Variants in NAALADL2 observed in about 807,000 individuals in gnomAD.
The protein encoded by NAALADL2 is inactive N-acetylated-alpha-linked acidic dipeptidase-like protein 2.
NAALADL2 carries 76 observed loss-of-function variants against 87.2 expected under a neutral mutation model. The observed-to-expected ratio is 0.87, with a 90% CI of 0.72 to 1.05. The LOEUF is 1.05. Ranked by LOEUF, NAALADL2 falls within the 50% of genes least tolerant of loss-of-function variation. The probability of loss-of-function intolerance (pLI) is 0.00; values close to 1 mark genes in which losing one functional copy is unlikely to be tolerated. For synonymous variants in NAALADL2, 354 were observed against 331.0 expected (o/e 1.07, Z -0.75); for missense variants, 1,089 against 945.8 (o/e 1.15, Z -1.99).
At chr3:175,125,126 G>C (rs1726754537) in intron 2 of NAALADL2, among the ~76,000 whole-genome samples, 1 of 151,962 alleles carries the variant, frequency 6.6e-6, no homozygotes, top group Non-Finnish European at 1.5e-5. Context: ...CTGAGCACTT[G>C]AGAAATATGG....
chr3:174,699,856 G>A lies in NAALADL2; in HGVS notation c.-114-37785G>A, dbSNP rs763736119. The stretch of plus-strand genomic sequence containing the variant: ...AAGATGCTTTTTTTTTTTTTTTTGA[G>A]AAGATTGTATATTTTTTTCTGCTTA... On this transcript the variant is annotated intron_variant, in intron 2 of 3. Transcript: ENST00000434257. 1.4e-3 allele frequency among the ~76,000 whole-genome samples: 168 copies of A among 123,300 alleles called. 1 individual carries two copies. Among genetic ancestry groups the A allele is most frequent in the Non-Finnish European group, 2.3e-3 (140 of 59,896 alleles). 80.9% of individuals were successfully genotyped at this position (123,300 alleles called of 152,430 possible).
intron 10 of NAALADL2, among the ~76,000 whole-genome samples, chr3:175,622,374 C>T (rs1456434365): frequency 2.0e-5 from 3 of 152,160 alleles, no homozygotes; most frequent in Middle Eastern, 3.4e-3. Flanking sequence ...ATATACGTGA[C>T]GAATTTTATC....
chr3:174,988,872 A>G (rs1746335765), intron 1 of NAALADL2, among the ~76,000 whole-genome samples: 3 of 152,222 alleles, frequency 2.0e-5, no homozygotes, highest in East Asian at 1.9e-4. Context: ...TTGTGTTGCT[A>G]TAAAAACTAC....
intron 1 of NAALADL2, among the ~76,000 whole-genome samples, chr3:175,029,490 A>T (rs1051134894): frequency 1.3e-5 from 2 of 152,074 alleles, no homozygotes; most frequent in Admixed American, 6.6e-5. Context: ...AGTAAAAGAA[A>T]AAGGAAGATA....
intron 1 of NAALADL2, among the ~76,000 whole-genome samples, chr3:175,010,496 A>G (rs1300489127): frequency 6.6e-6 from 1 of 152,162 alleles, no homozygotes; most frequent in Non-Finnish European, 1.5e-5. Flanking sequence ...TTGTTTTGGC[A>G]GCAAAATTAT....
At chr3:175,268,446 G>A (rs1752306620) in intron 4 of NAALADL2, among the ~76,000 whole-genome samples, 1 of 151,968 alleles carries the variant, frequency 6.6e-6, no homozygotes, top group African/African-American at 2.4e-5. Context: ...GAAGGCCTAG[G>A]ACCTTATTAA....
At chr3:175,770,459 A>G (rs963232843) in intron 13 of NAALADL2, among the ~76,000 whole-genome samples, 1 of 152,204 alleles carries the variant, frequency 6.6e-6, no homozygotes, top group African/African-American at 2.4e-5. Flanking sequence ...AATCTTGAGA[A>G]GAAGGTCTGT....
chr3:175,005,229 A>G (rs1001289951), intron 1 of NAALADL2, among the ~76,000 whole-genome samples: 17 of 152,320 alleles, frequency 1.1e-4, no homozygotes, highest in African/African-American at 4.1e-4. Context: ...CAAGTGAAGC[A>G]GCTGAGCAGA....
At chr3:175,065,482 G>A (rs963191120) in intron 1 of NAALADL2, among the ~76,000 whole-genome samples, 2 of 152,156 alleles carry the variant, frequency 1.3e-5, no homozygotes, top group Non-Finnish European at 2.9e-5. Flanking sequence ...TAATGATCTT[G>A]TTGAACCATG....
intron 4 of NAALADL2, among the ~76,000 whole-genome samples, chr3:175,314,691 TATATATA>T (rs1201901514): frequency 1.8e-5 from 1 of 54,838 alleles, no homozygotes; most frequent in African/African-American, 7.1e-5. Flanking sequence ...TATATATATA[TATATATA>T]TATATATATA....
intron 1 of NAALADL2, among the ~76,000 whole-genome samples, chr3:175,071,225 T>G (rs1559987581): frequency 6.6e-6 from 1 of 152,128 alleles, no homozygotes; most frequent in African/African-American, 2.4e-5. Context: ...ACAAAGCGTG[T>G]CTGACTTGTT....
chr3:175,241,542 T>G (rs964613713), intron 3 of NAALADL2, among the ~76,000 whole-genome samples: 1 of 152,114 alleles, frequency 6.6e-6, no homozygotes, highest in Non-Finnish European at 1.5e-5. Context: ...CTTTCATATT[T>G]GAGAATAATA....
At chr3:175,388,765 T>C (rs1768727746) in intron 5 of NAALADL2, among the ~76,000 whole-genome samples, 1 of 152,096 alleles carries the variant, frequency 6.6e-6, no homozygotes, top group African/African-American at 2.4e-5. Flanking sequence ...TCTTAGTGGA[T>C]TGGTCATTTT....
chr3:175,550,406 A>G (rs1714149408), intron 9 of NAALADL2, among the ~76,000 whole-genome samples: 1 of 152,166 alleles, frequency 6.6e-6, no homozygotes, highest in South Asian at 2.1e-4. Context: ...ACATGGCCCA[A>G]GGAAGATTCC....
intron 2 of NAALADL2, among the ~76,000 whole-genome samples, chr3:174,557,070 A>G (rs1486854276): frequency 6.6e-6 from 1 of 152,178 alleles, no homozygotes; most frequent in Non-Finnish European, 1.5e-5. Flanking sequence ...ATATATTTTT[A>G]TTATATGACA....
intron 1 of NAALADL2, among the ~76,000 whole-genome samples, chr3:174,535,196 G>T (rs781460425): frequency 1.3e-5 from 2 of 152,164 alleles, no homozygotes; most frequent in African/African-American, 2.4e-5. Context: ...TTAGACCACA[G>T]TTAATTTGCC....
At chr3:174,866,031 T>G (rs546652444) in intron 1 of NAALADL2, among the ~76,000 whole-genome samples, 109 of 151,956 alleles carry the variant, frequency 7.2e-4, no homozygotes, top group African/African-American at 2.5e-3. Flanking sequence ...GTCAAGCAGG[T>G]GACAAATTTG....
intron 11 of NAALADL2, 85 bp from the exon 12 acceptor site, chr3:175,737,221 A>C: frequency 1.2e-6 from 1 of 816,098 alleles, no homozygotes; most frequent in Non-Finnish European, 2.1e-6. Context: ...TAGATGTATA[A>C]AAATATCTGA....
At chr3:174,861,546 T>A in intron 1 of NAALADL2, among the ~76,000 whole-genome samples, 1 of 152,108 alleles carries the variant, frequency 6.6e-6, no homozygotes, top group East Asian at 1.9e-4. Flanking sequence ...ACGGATGTTC[T>A]TTAGTGGAAA....
Sources: gnomAD v4.1 joint callset for allele counts (sites outside exome capture counted in the v4.1 genomes callset) on GRCh38, gnomAD v4.1.1 for gene constraint, MANE v1.5 for transcripts, NCBI Gene and HGNC (gene_info 2026-07-23, HGNC 2026-07-21) for gene names.